The following PCDHGA2 variants were observed in gnomAD, a reference collection of about 807,000 sequenced individuals.
PCDHGA2 encodes protocadherin gamma-A2.
Under a neutral mutation model 59.2 loss-of-function variants are expected in PCDHGA2, and 40 were observed. The observed-to-expected ratio is 0.68, with a 90% CI of 0.52 to 0.88. The LOEUF (loss-of-function observed/expected upper bound fraction) is 0.88. Among genes scored for constraint, PCDHGA2 ranks in the 40% least tolerant of loss-of-function variants. The probability of loss-of-function intolerance (pLI) is 0.00; values close to 1 mark genes in which losing one functional copy is unlikely to be tolerated. For missense variants in PCDHGA2, 1,226 were observed against 1,204.0 expected, an observed-to-expected ratio of 1.02 and a Z score of -0.27; for synonymous variants, 560 against 526.0, an observed-to-expected ratio of 1.06 and a Z score of -0.89.
intron 1 of PCDHGA2, among the ~76,000 whole-genome samples, chr5:141,454,195 T>C (rs1295815862): frequency 6.6e-6 from 1 of 152,136 alleles, no homozygotes; most frequent in Admixed American, 6.6e-5. Context: ...TTAGTGAAGG[T>C]GAATTTATTG....
At position 141,421,975 on chromosome 5, in the gene PCDHGA2, G is replaced by A. The variant is rs1287891140; in HGVS notation, c.2425-72832G>A. 3.1e-6 allele frequency: 5 copies of A among 1,610,050 alleles called. No individual in the cohort carries two copies. The South Asian group carries it at 3.3e-5, about 11-fold the overall frequency. On this transcript the variant is annotated intron_variant, in intron 1 of 3. Coordinates refer to ENST00000394576, the MANE Select transcript of PCDHGA2 (RefSeq NM_018915.4). ...AATGTTTACACAGTCCGTATATCGC[G>A]TGAGTGTTCCAGAAAACATCAGCTC...
intron 1 of PCDHGA2, chr5:141,364,699 A>G (rs1465164729): frequency 1.2e-6 from 2 of 1,613,874 alleles, no homozygotes; most frequent in Non-Finnish European, 1.7e-6. Flanking sequence ...AAGTAGAAAT[A>G]ATCGATATTA....
intron 1 of PCDHGA2, chr5:141,344,199 C>T: frequency 6.2e-7 from 1 of 1,614,030 alleles, no homozygotes; most frequent in Non-Finnish European, 8.5e-7. Flanking sequence ...GGGGCTAGAG[C>T]CCCGGGAGCT....
intron 1 of PCDHGA2, among the ~76,000 whole-genome samples, chr5:141,354,850 CATTGCAA>C (rs1018068182): frequency 3.3e-5 from 5 of 152,230 alleles, no homozygotes; most frequent in Admixed American, 3.3e-4. Flanking sequence ...CTTGAATTTT[CATTGCAA>C]ATCAAAAACA....
rs1212381177 is a variant in PCDHGA2 at position 141,438,571 on chromosome 5, TATACATAC to T, written c.2425-56220_2425-56213del. On this transcript the variant is annotated intron_variant, in intron 1 of 3. Coordinates refer to ENST00000394576, the MANE Select transcript of PCDHGA2 (RefSeq NM_018915.4). Reference sequence around the variant, plus strand: ...GCCCTAATAAGAGGCAGCTGTCTGATATACATACATACATACATACATATATATATATA... The same window carrying T: ...GCCCTAATAAGAGGCAGCTGTCTGATATACATACATACATATATATATATA... Among the ~76,000 whole-genome samples the T allele has an allele frequency of 2.8e-4, 26 of 94,536 alleles. 1 individual carries two copies. Among genetic ancestry groups the T allele is most frequent in the South Asian group, 1.0e-3 (3 of 2,950 alleles). 62.0% of individuals were successfully genotyped at this position (94,536 alleles called of 152,430 possible). A position where few individuals can be genotyped will look rare whatever the true frequency, so the allele number is the denominator to read the frequency against.
At chr5:141,504,785 G>A (rs1439244687) in intron 2 of PCDHGA2, among the ~76,000 whole-genome samples, 1 of 151,964 alleles carries the variant, frequency 6.6e-6, no homozygotes, top group East Asian at 1.9e-4. Context: ...GTCTCTTGGG[G>A]CCTCCTACAT....
In PCDHGA2 at chr5:141,407,971, G is replaced by C. The variant is rs1399304138; in HGVS notation, c.2424+66576G>C. The C allele has an allele frequency of 7.0e-5, 50 of 717,762 alleles. No homozygotes were observed. In the South Asian group the frequency reaches 1.2e-3, roughly 17 times the overall value. 44.5% of individuals were successfully genotyped at this position (717,762 alleles called of 1,614,324 possible). On this transcript the variant is annotated intron_variant, in intron 1 of 3. Coordinates refer to ENST00000394576, the MANE Select transcript of PCDHGA2 (RefSeq NM_018915.4). The stretch of plus-strand genomic sequence containing the variant: ...CGGCCAGTGCAGAGCAAGCGCTGAC[G>C]CCGGGGATCCGTCAGCCTCTGGCCT...
intron 1 of PCDHGA2, chr5:141,362,079 T>C (rs755962280): frequency 1.7e-5 from 28 of 1,612,646 alleles, no homozygotes; most frequent in Admixed American, 1.7e-4. Context: ...CTGTGCGTGA[T>C]GGAGGACAGC....
At chr5:141,360,429 G>A (rs1283628345) in intron 1 of PCDHGA2, 2 of 1,614,004 alleles carry the variant, frequency 1.2e-6, no homozygotes, top group Non-Finnish European at 8.5e-7. Flanking sequence ...TATGCGGGAA[G>A]CAGCCTCTGT....
intron 1 of PCDHGA2, chr5:141,440,479 T>C (rs949675242): frequency 6.6e-6 from 1 of 152,172 alleles, no homozygotes; most frequent in African/African-American, 2.4e-5. Context: ...TTGAAAATTC[T>C]TTAAATGTTT....
In PCDHGA2 at chr5:141,477,097, G is replaced by A; in HGVS notation, c.2425-17710G>A. ...AGATTTACATCCAGGCCAAAGACAAGGGCGCCAATCCCGAAGGAGCACATT... is the reference window on the plus strand; with the variant it reads ...AGATTTACATCCAGGCCAAAGACAAAGGCGCCAATCCCGAAGGAGCACATT... On this transcript the variant is annotated intron_variant, in intron 1 of 3. Transcript: ENST00000394576. This position sits in a 1 kb window ranked among gnomAD's most constrained non-coding sequence, Gnocchi z 4.9. 1 of 1,614,242 alleles carries A rather than the reference G, an allele frequency of 6.2e-7. No homozygotes were observed. Among genetic ancestry groups the A allele is most frequent in the South Asian group, 1.1e-5 (1 of 91,088 alleles).
At chr5:141,479,476 G>A (rs1481785254) in intron 1 of PCDHGA2, 1 of 152,250 alleles carries the variant, frequency 6.6e-6, no homozygotes, top group African/African-American at 2.4e-5. Context: ...CCTCTTGGGA[G>A]GGCAGGACCA....
intron 1 of PCDHGA2, chr5:141,375,163 A>C (rs1313060581): frequency 1.2e-6 from 2 of 1,613,774 alleles, no homozygotes; most frequent in South Asian, 2.2e-5. Flanking sequence ...CTGAAAGTGC[A>C]CCTCCAGGAA....
At chr5:141,441,757 G>A (rs1423867327) in intron 1 of PCDHGA2, 2 of 381,638 alleles carry the variant, frequency 5.2e-6, no homozygotes, top group Middle Eastern at 6.5e-4. Context: ...GTCAACGTGA[G>A]CCTGCGCGTG....
chr5:141,374,333 T>G lies in PCDHGA2; in HGVS notation c.2424+32938T>G, dbSNP rs767860795. 3.7e-6 allele frequency: 6 copies of G among 1,613,886 alleles called. No homozygotes were observed. In the African/African-American group the frequency reaches 5.3e-5, roughly 14 times the overall value. On this transcript the variant is annotated intron_variant, in intron 1 of 3. Coordinates refer to ENST00000394576, the MANE Select transcript of PCDHGA2 (RefSeq NM_018915.4). ...CTCTCTGAATCCGCGAAACGGCAGC[T>G]TGGTCACCGCGGGTAGGATAGACCG...
intron 1 of PCDHGA2, among the ~76,000 whole-genome samples, chr5:141,438,828 A>T (rs1364963084): frequency 6.7e-6 from 1 of 149,956 alleles, no homozygotes; most frequent in Non-Finnish European, 1.5e-5. Context: ...TGCCCAGCTA[A>T]TTTTTTAAAA....
At chr5:141,458,694 C>G (rs905547768) in intron 1 of PCDHGA2, among the ~76,000 whole-genome samples, 1 of 152,136 alleles carries the variant, frequency 6.6e-6, no homozygotes, top group East Asian at 1.9e-4. Context: ...CTCAGCCTCC[C>G]GAGTAGCTGG....
rs2099605485 is a variant in PCDHGA2 at position 141,485,030 on chromosome 5, G to A, written c.2425-9777G>A. 1 of 674,340 alleles carries A rather than the reference G, an allele frequency of 1.5e-6. No individual in the cohort carries two copies. Among genetic ancestry groups the A allele is most frequent in the East Asian group, 2.6e-5 (1 of 38,292 alleles). The allele number at this position is 674,340 out of a possible 1,614,324, so 41.8% of individuals were successfully genotyped here. A position where few individuals can be genotyped will look rare whatever the true frequency, so the allele number is the denominator to read the frequency against. ...CTACCCCGCCACCAGCAAAAACGGC[G>A]CGTAACCCTTGCGGCGCCGGCCGAA... On this transcript the variant is annotated intron_variant, in intron 1 of 3. Transcript: ENST00000394576. The surrounding 1 kb of genome is among the most constrained non-coding windows in gnomAD (Gnocchi z 5.7).
In PCDHGA2 at chr5:141,413,371, CGCGGAGT is replaced by C. The variant is rs765391000; in HGVS notation, c.2424+71977_2424+71983del. The C allele has an allele frequency of 3.7e-6, 6 of 1,613,848 alleles. No homozygotes were observed. In the African/African-American group the frequency reaches 8.0e-5, roughly 22 times the overall value. On this transcript the variant is annotated intron_variant, in intron 1 of 3. Coordinates refer to ENST00000394576, the MANE Select transcript of PCDHGA2 (RefSeq NM_018915.4). ...TCTGGCGCCCCGGGAGCTGGCGGAG[CGCGGAGT>C]CCGCATAGTCTCCAGAGGTAGGACG...
Sources: gnomAD v4.1 joint callset for allele counts (sites outside exome capture counted in the v4.1 genomes callset) on GRCh38, gnomAD v4.1.1 for gene constraint, Gnocchi (gnomAD v3.1) non-coding constraint, MANE v1.5 for transcripts, NCBI Gene and HGNC (gene_info 2026-07-23, HGNC 2026-07-21) for gene names.